NTM: variants seen among roughly 807,000 people sequenced by gnomAD.
The protein encoded by NTM is neurotrimin.
Under a neutral mutation model 42.1 loss-of-function variants are expected in NTM, and 13 were observed. The ratio of observed to expected loss-of-function variants is 0.31; its 90% CI spans 0.20 to 0.49. The LOEUF (loss-of-function observed/expected upper bound fraction) is 0.49. Among genes scored for constraint, NTM ranks in the 20% least tolerant of loss-of-function variants. NTM has a pLI of 0.99. For missense variants in NTM, 373 were observed against 452.8 expected (o/e 0.82, Z 1.60); for synonymous variants, 187 against 179.2 (o/e 1.04, Z -0.35).
chr11:131,374,330 C>T (rs943602757), intron 1 of NTM, among the ~76,000 whole-genome samples: 1 of 152,250 alleles, frequency 6.6e-6, no homozygotes, highest in Non-Finnish European at 1.5e-5. Context: ...TTCGCTCAAG[C>T]GTGCCTGGAG....
intron 1 of NTM, among the ~76,000 whole-genome samples, chr11:131,658,459 C>T (rs527867441): frequency 9.2e-5 from 14 of 152,370 alleles, no homozygotes; most frequent in African/African-American, 3.1e-4. Flanking sequence ...GCAGCTCTTA[C>T]ATTCGTGAAC....
chr11:131,599,213 C>T (rs530276336), intron 1 of NTM, among the ~76,000 whole-genome samples: 3 of 152,156 alleles, frequency 2.0e-5, no homozygotes, highest in African/African-American at 2.4e-5. Context: ...CCGCACCTGG[C>T]CTGTTTTCTC....
chr11:132,026,841 G>A (rs1388823188), intron 2 of NTM, among the ~76,000 whole-genome samples: 1 of 152,160 alleles, frequency 6.6e-6, no homozygotes, highest in Non-Finnish European at 1.5e-5. Context: ...AAGCAGGCAG[G>A]CTAGAAATAA....
chr11:131,934,637 G>A (rs1427874175), intron 2 of NTM, among the ~76,000 whole-genome samples: 1 of 152,190 alleles, frequency 6.6e-6, no homozygotes, highest in East Asian at 1.9e-4. Flanking sequence ...GTGCTGTGAC[G>A]GAGGCTGCCT....
chr11:131,731,705 C>T (rs902183385), intron 1 of NTM, among the ~76,000 whole-genome samples: 1 of 152,294 alleles, frequency 6.6e-6, no homozygotes, highest in East Asian at 1.9e-4. Context: ...AAAGCTTCCT[C>T]ACAGAAGTTC....
intron 2 of NTM, among the ~76,000 whole-genome samples, chr11:132,141,392 GT>G (rs2069124560): frequency 6.6e-6 from 1 of 151,980 alleles, no homozygotes; most frequent in Non-Finnish European, 1.5e-5. Context: ...TTAATCATTT[GT>G]TTTTGCTTTT....
At chr11:131,525,502 G>A (rs1327494419) in intron 1 of NTM, among the ~76,000 whole-genome samples, 1 of 152,178 alleles carries the variant, frequency 6.6e-6, no homozygotes, top group Admixed American at 6.5e-5. Flanking sequence ...CACAGTCGGG[G>A]TGGGCCAGGA....
At chr11:132,211,479 C>A (rs2082825586) in intron 3 of NTM, among the ~76,000 whole-genome samples, 1 of 152,162 alleles carries the variant, frequency 6.6e-6, no homozygotes, top group Non-Finnish European at 1.5e-5. Flanking sequence ...ATACTTTATG[C>A]CCAGACAGGG....
At chr11:131,420,543 T>A (rs573875727) in intron 1 of NTM, among the ~76,000 whole-genome samples, 53 of 152,274 alleles carry the variant, frequency 3.5e-4, no homozygotes, top group Non-Finnish European at 6.6e-4. Context: ...TAGACAGCAA[T>A]GCTGAGTACA....
chr11:131,884,531 T>A (rs1185145211), intron 1 of NTM, among the ~76,000 whole-genome samples: 2 of 152,202 alleles, frequency 1.3e-5, no homozygotes, highest in Admixed American at 6.5e-5. Flanking sequence ...AGAAACAGTG[T>A]TCTGAACTCC....
intron 1 of NTM, among the ~76,000 whole-genome samples, chr11:131,572,903 C>T (rs1330652360): frequency 6.6e-6 from 1 of 152,178 alleles, no homozygotes; most frequent in Non-Finnish European, 1.5e-5. Flanking sequence ...CATTCAGCAA[C>T]CTGGTGAGGA....
chr11:131,474,993 A>G (rs141401478), intron 1 of NTM, among the ~76,000 whole-genome samples: 2 of 152,324 alleles, frequency 1.3e-5, no homozygotes, highest in East Asian at 1.9e-4. Flanking sequence ...TTAAGGAATA[A>G]CAATGTCATG....
In NTM at chr11:131,378,509, C is replaced by T. The variant is rs115339338; in HGVS notation, c.82+7621C>T. 4.7e-3 allele frequency among the ~76,000 whole-genome samples: 710 copies of T among 152,228 alleles called. 7 individuals are homozygous for T. The highest frequency in any genetic ancestry group is 0.016 in the African/African-American group (667 of 41,536). On this transcript the variant is annotated intron_variant, in intron 1 of 8. Coordinates refer to ENST00000683400, the MANE Select transcript of NTM (RefSeq NM_001352005.2). ...ATGGTGTGTGTGCGTGCAAACTCTACGTGCTATCTCATATATATGATGTTG... is the reference window on the plus strand; with the variant it reads ...ATGGTGTGTGTGCGTGCAAACTCTATGTGCTATCTCATATATATGATGTTG...
intron 2 of NTM, among the ~76,000 whole-genome samples, chr11:132,067,295 T>G (rs554952109): frequency 6.6e-6 from 1 of 152,332 alleles, no homozygotes; most frequent in African/African-American, 2.4e-5. Context: ...TGCCCAACCT[T>G]TGGCTTCCAA....
At chr11:132,216,210 C>T (rs2083834414) in intron 4 of NTM, among the ~76,000 whole-genome samples, 1 of 152,182 alleles carries the variant, frequency 6.6e-6, no homozygotes, top group Admixed American at 6.5e-5. Context: ...CAATATACTC[C>T]AAAAGATGCT....
At chr11:132,170,085 C>T (rs964047228) in intron 3 of NTM, among the ~76,000 whole-genome samples, 1 of 152,126 alleles carries the variant, frequency 6.6e-6, no homozygotes. Flanking sequence ...ATGCTGTGAG[C>T]CAAGTGCTGA....
rs142624057 is a variant in NTM, at chr11:131,953,861, T to A, written c.167+42213T>A. Reference sequence around the variant, plus strand: ...GAAAAATGAGGAGAAGAGAGATAAATGGTTTGCCATGAGGAGAATGTAGAC... The same window carrying A: ...GAAAAATGAGGAGAAGAGAGATAAAAGGTTTGCCATGAGGAGAATGTAGAC... On this transcript the variant is annotated intron_variant, in intron 2 of 8. Transcript: ENST00000683400. Among the ~76,000 whole-genome samples the A allele has an allele frequency of 9.3e-4, 141 of 152,136 alleles. No individual in the cohort carries two copies. The East Asian group carries it at 0.014, about 15-fold the overall frequency.
chr11:131,691,247 G>A (rs1433229948), intron 1 of NTM, among the ~76,000 whole-genome samples: 1 of 152,202 alleles, frequency 6.6e-6, no homozygotes, highest in Non-Finnish European at 1.5e-5. Context: ...CTTGACCTTC[G>A]CAGAACGTAG....
intron 2 of NTM, among the ~76,000 whole-genome samples, chr11:131,949,543 C>A (rs2060750613): frequency 6.6e-6 from 1 of 152,168 alleles, no homozygotes; most frequent in Non-Finnish European, 1.5e-5. Flanking sequence ...CAAAGAGAAA[C>A]TTCCAGCATG....
Sources: gnomAD v4.1 joint callset for allele counts (sites outside exome capture counted in the v4.1 genomes callset) on GRCh38, gnomAD v4.1.1 for gene constraint, MANE v1.5 for transcripts, NCBI Gene and HGNC (gene_info 2026-07-23, HGNC 2026-07-21) for gene names.